Variants in CAP2 observed in about 807,000 individuals in gnomAD.
CAP2 encodes the protein adenylyl cyclase-associated protein 2.
CAP2 carries 24 observed loss-of-function variants against 57.7 expected under a neutral mutation model. That is an observed-to-expected ratio of 0.42 (90% CI 0.30 to 0.58). The LOEUF is 0.58. Ranked by LOEUF, CAP2 falls within the 20% of genes least tolerant of loss-of-function variation. CAP2 has a pLI of 0.22. For missense variants in CAP2, 501 were observed against 590.3 expected (o/e 0.85, Z 1.57); for synonymous variants, 194 against 207.2 (o/e 0.94, Z 0.55).
chr6:17,531,077 C>T, intron 7 of CAP2: 1 of 769,828 alleles, frequency 1.3e-6, no homozygotes, highest in Non-Finnish European at 2.3e-6. Flanking sequence ...GAATCAGATC[C>T]TCCCTGCAGA....
At chr6:17,503,965 T>C (rs1761906708) in intron 4 of CAP2, among the ~76,000 whole-genome samples, 1 of 152,210 alleles carries the variant, frequency 6.6e-6, no homozygotes, top group Non-Finnish European at 1.5e-5. Flanking sequence ...GTTTTTCCCC[T>C]CCTTCAGTAA....
intron 4 of CAP2, among the ~76,000 whole-genome samples, chr6:17,497,786 G>C (rs1326264632): frequency 6.6e-6 from 1 of 152,180 alleles, no homozygotes; most frequent in Non-Finnish European, 1.5e-5. Context: ...TGGACTGTTA[G>C]CTTTTTGCAC....
chr6:17,529,810 T>C (rs150967904), intron 7 of CAP2, among the ~76,000 whole-genome samples: 88 of 152,096 alleles, frequency 5.8e-4, no homozygotes, highest in Middle Eastern at 3.4e-3. Flanking sequence ...AGGCTTATCA[T>C]GTTCATGTTT....
intron 7 of CAP2, among the ~76,000 whole-genome samples, chr6:17,533,770 G>C (rs764893245): frequency 1.3e-5 from 2 of 152,030 alleles, no homozygotes; most frequent in African/African-American, 4.8e-5. Context: ...ATTTCACCCT[G>C]TTGGCCAGGA....
intron 3 of CAP2, among the ~76,000 whole-genome samples, chr6:17,433,438 G>A (rs909467745): frequency 5.3e-5 from 8 of 152,208 alleles, no homozygotes; most frequent in Non-Finnish European, 1.0e-4. Flanking sequence ...TGACTGGTGA[G>A]AAGCAAGACC....
At chr6:17,401,775 A>T (rs137944563) in intron 1 of CAP2, among the ~76,000 whole-genome samples, 26 of 152,186 alleles carry the variant, frequency 1.7e-4, no homozygotes, top group African/African-American at 5.8e-4. Context: ...TCTGTTTCTT[A>T]GTACTCCTCT....
chr6:17,426,855 T>C (rs1049227829), intron 3 of CAP2, among the ~76,000 whole-genome samples, 165 bp downstream of exon 3: 3 of 152,220 alleles, frequency 2.0e-5, no homozygotes, highest in Non-Finnish European at 2.9e-5. Flanking sequence ...CATTTAATTG[T>C]TCCTGCAAGG....
intron 3 of CAP2, among the ~76,000 whole-genome samples, chr6:17,457,785 C>T (rs990571439): frequency 4.6e-5 from 7 of 152,186 alleles, no homozygotes; most frequent in Non-Finnish European, 8.8e-5. Flanking sequence ...GCTCTATTAG[C>T]AACAGGCTAA....
At chr6:17,476,285 A>C (rs1240485420) in intron 4 of CAP2, among the ~76,000 whole-genome samples, 2 of 152,238 alleles carry the variant, frequency 1.3e-5, no homozygotes, top group Non-Finnish European at 2.9e-5. Context: ...CTCATAAAAA[A>C]GTCTATATCA....
intron 4 of CAP2, among the ~76,000 whole-genome samples, chr6:17,480,485 T>C (rs765339988): frequency 5.9e-5 from 9 of 152,116 alleles, no homozygotes; most frequent in South Asian, 2.1e-4. Flanking sequence ...CTAAACCTGG[T>C]ATATTGTAAT....
At chr6:17,422,004 T>C (rs1219866967) in intron 2 of CAP2, among the ~76,000 whole-genome samples, 2 of 152,344 alleles carry the variant, frequency 1.3e-5, no homozygotes, top group Admixed American at 1.3e-4. Context: ...TGCCTCGGCC[T>C]CCCGAAGTGC....
chr6:17,410,659 G>A (rs1187701908), intron 1 of CAP2, among the ~76,000 whole-genome samples: 4 of 151,640 alleles, frequency 2.6e-5, no homozygotes, highest in African/African-American at 4.8e-5. Flanking sequence ...CCAGGTTCAC[G>A]CCATTTTCCT....
chr6:17,529,858 G>A lies in CAP2; in HGVS notation c.637-9411G>A, dbSNP rs1439718225. 2.0e-5 allele frequency among the ~76,000 whole-genome samples: 3 copies of A among 151,544 alleles called. No homozygotes were observed. In the East Asian group the frequency reaches 5.9e-4, roughly 30 times the overall value. On this transcript the variant is annotated intron_variant, in intron 7 of 12. Coordinates refer to ENST00000229922, the MANE Select transcript of CAP2 (RefSeq NM_006366.3). ...TACACAAGGCCATTTGGGATTCTTT[G>A]TCTTTGGAAAAATTGATAAAGAGTA...
chr6:17,540,435 G>A (rs1194263860), intron 8 of CAP2, among the ~76,000 whole-genome samples: 2 of 150,434 alleles, frequency 1.3e-5, no homozygotes, highest in African/African-American at 4.9e-5. Flanking sequence ...CAACAGAAGA[G>A]GTTCCTCAAA....
At chr6:17,423,594 C>T (rs886179393) in intron 2 of CAP2, among the ~76,000 whole-genome samples, 2 of 151,856 alleles carry the variant, frequency 1.3e-5, no homozygotes, top group Non-Finnish European at 2.9e-5. Context: ...AATCTAACTA[C>T]CGGGAGACTA....
rs1354210955 is a variant in CAP2, at chr6:17,438,726, A to G, written c.222+12036A>G. On this transcript the variant is annotated intron_variant, in intron 3 of 12. Transcript: ENST00000229922. ...AGTGCTGGGATTATAGGTGTGAGCC[A>G]CCGCACCCGGCCCAGAAGTTTTTTT... 6.9e-5 allele frequency among the ~76,000 whole-genome samples: 10 copies of G among 145,640 alleles called. 1 individual carries two copies. Among genetic ancestry groups the G allele is most frequent in the Admixed American group, 2.7e-4 (4 of 14,766 alleles).
chr6:17,503,437 C>T (rs1164082434), intron 4 of CAP2, among the ~76,000 whole-genome samples: 2 of 152,034 alleles, frequency 1.3e-5, no homozygotes, highest in Non-Finnish European at 2.9e-5. Flanking sequence ...AACCCCGTCT[C>T]TTCTAACAAT....
chr6:17,409,506 A>AC (rs1759083800), intron 1 of CAP2, among the ~76,000 whole-genome samples: 1 of 152,100 alleles, frequency 6.6e-6, no homozygotes, highest in African/African-American at 2.4e-5. Flanking sequence ...AGTGCTGTGG[A>AC]CCATTCAGAG....
intron 6 of CAP2, among the ~76,000 whole-genome samples, chr6:17,511,924 A>G (rs1453836533): frequency 1.3e-5 from 2 of 152,058 alleles, no homozygotes; most frequent in Non-Finnish European, 2.9e-5. Flanking sequence ...GGTCCTGCTC[A>G]ATTTGTTACC....
Sources: allele counts gnomAD v4.1 joint callset (sites outside exome capture counted in the v4.1 genomes callset), GRCh38; gene constraint gnomAD v4.1.1; transcripts MANE v1.5; gene names NCBI Gene and HGNC (gene_info 2026-07-23, HGNC 2026-07-21).